ZFHX3: variants seen among roughly 807,000 people sequenced by gnomAD.
ZFHX3 encodes zinc finger homeobox 3.
In ZFHX3, 42 loss-of-function variants were observed where a neutral mutation model predicts 279.1. The ratio of observed to expected loss-of-function variants is 0.15; its 90% confidence interval spans 0.12 to 0.19. The LOEUF (loss-of-function observed/expected upper bound fraction) is 0.19. Ranked by LOEUF, ZFHX3 falls within the 10% of genes least tolerant of loss-of-function variation. The pLI is 1.00. For missense variants in ZFHX3, 4,981 were observed against 4,754.0 expected (o/e 1.05, Z -1.40); for synonymous variants, 2,293 against 1,957.8 (o/e 1.17, Z -4.52).
intron 1 of ZFHX3, among the ~76,000 whole-genome samples, chr16:73,859,206 C>T (rs969640951): frequency 2.6e-5 from 4 of 152,212 alleles, no homozygotes; most frequent in African/African-American, 9.6e-5. Context: ...GTTTCTGAAA[C>T]ATCCCCCAGT....
chr16:72,822,859 T>C (rs2036834543), intron 5 of ZFHX3, among the ~76,000 whole-genome samples: 1 of 151,682 alleles, frequency 6.6e-6, no homozygotes, highest in Non-Finnish European at 1.5e-5. Context: ...AAGAAAATAT[T>C]TGTTCAACTG....
chr16:73,501,238 T>A (rs927009403), intron 2 of ZFHX3, among the ~76,000 whole-genome samples: 2 of 152,220 alleles, frequency 1.3e-5, no homozygotes, highest in African/African-American at 4.8e-5. Context: ...CATCTAGATT[T>A]GTGTAAATAC....
intron 7 of ZFHX3, among the ~76,000 whole-genome samples, chr16:73,095,782 C>T (rs111597689): frequency 5.9e-5 from 9 of 152,210 alleles, no homozygotes; most frequent in South Asian, 2.1e-4. Flanking sequence ...GGATTGATAC[C>T]GGGCAACTTA....
At chr16:73,135,335 G>T (rs953612397) in intron 6 of ZFHX3, among the ~76,000 whole-genome samples, 1 of 152,158 alleles carries the variant, frequency 6.6e-6, no homozygotes, top group Non-Finnish European at 1.5e-5. Flanking sequence ...GAATCAGAAA[G>T]AACAGATGGA....
At chr16:73,072,867 C>A (rs561169361) in intron 8 of ZFHX3, among the ~76,000 whole-genome samples, 1 of 151,790 alleles carries the variant, frequency 6.6e-6, no homozygotes, top group Non-Finnish European at 1.5e-5. Flanking sequence ...CTGTGCCCAG[C>A]GCATTCCTAT....
At position 72,784,860 on chromosome 16, in the gene ZFHX3, C is replaced by G. The variant is rs1465299341; in HGVS notation, c.*2304G>C. On this transcript the variant is annotated 3_prime_UTR_variant, in exon 10 of 10. Coordinates refer to ENST00000268489, the MANE Select transcript of ZFHX3 (RefSeq NM_006885.4). Reference sequence around the variant, plus strand: ...AGAAATATGTACAACATTTCAGGATCTACTATTTCATTAAACTAAAAACAA... The same window carrying G: ...AGAAATATGTACAACATTTCAGGATGTACTATTTCATTAAACTAAAAACAA... The G allele has an allele frequency of 6.6e-6, 1 of 152,300 alleles. No individual in the cohort carries two copies. Among genetic ancestry groups the G allele is most frequent in the African/African-American group, 2.4e-5 (1 of 41,332 alleles). The allele number at this position is 152,300 out of a possible 1,614,324, so 9.4% of individuals were successfully genotyped here.
intron 3 of ZFHX3, among the ~76,000 whole-genome samples, chr16:73,335,925 A>T (rs184098862): frequency 6.5e-4 from 99 of 152,306 alleles, no homozygotes; most frequent in Non-Finnish European, 1.3e-3. Flanking sequence ...CGTGTCTTGA[A>T]ATGTCTAGGC....
intron 1 of ZFHX3, among the ~76,000 whole-genome samples, chr16:73,882,524 T>C (rs773680897): frequency 3.3e-5 from 5 of 152,132 alleles, no homozygotes; most frequent in Non-Finnish European, 5.9e-5. Context: ...TCTGAATTTA[T>C]TGTGAGATTT....
intron 5 of ZFHX3, among the ~76,000 whole-genome samples, chr16:73,218,489 T>C (rs1164380225): frequency 6.6e-6 from 1 of 152,126 alleles, no homozygotes; most frequent in Non-Finnish European, 1.5e-5. Context: ...TAAATACAGG[T>C]CAAGTGTGGT....
At chr16:73,631,655 A>G (rs1280367934) in intron 2 of ZFHX3, among the ~76,000 whole-genome samples, 1 of 152,124 alleles carries the variant, frequency 6.6e-6, no homozygotes, top group East Asian at 1.9e-4. Flanking sequence ...CTATAATTCC[A>G]GCAATTTGGG....
At chr16:73,644,846 G>A (rs999857969) in intron 2 of ZFHX3, among the ~76,000 whole-genome samples, 2 of 152,104 alleles carry the variant, frequency 1.3e-5, no homozygotes, top group African/African-American at 4.8e-5. Flanking sequence ...GTCATTGGAA[G>A]AAGTGAGCCC....
chr16:73,432,215 T>A (rs2017922486), intron 3 of ZFHX3, among the ~76,000 whole-genome samples: 1 of 152,158 alleles, frequency 6.6e-6, no homozygotes, highest in African/African-American at 2.4e-5. Context: ...AAATGCATGG[T>A]TTCTAGGCCA....
At chr16:73,721,123 T>G (rs2053469512) in intron 1 of ZFHX3, among the ~76,000 whole-genome samples, 1 of 151,734 alleles carries the variant, frequency 6.6e-6, no homozygotes, top group Admixed American at 6.6e-5. Context: ...ATTTTCTTTT[T>G]CTTTCTTTTT....
At chr16:73,236,905 C>T (rs2012967468) in intron 5 of ZFHX3, among the ~76,000 whole-genome samples, 3 of 152,208 alleles carry the variant, frequency 2.0e-5, no homozygotes, top group Admixed American at 2.0e-4. Flanking sequence ...ATAACTTCAA[C>T]AGCAAAGGGC....
chr16:73,242,370 T>G (rs2013149233), intron 5 of ZFHX3, among the ~76,000 whole-genome samples: 1 of 152,156 alleles, frequency 6.6e-6, no homozygotes, highest in Non-Finnish European at 1.5e-5. Context: ...ACCCACCCCA[T>G]TAGCCTGGTA....
At chr16:73,804,065 G>C (rs1173325716) in intron 1 of ZFHX3, among the ~76,000 whole-genome samples, 1 of 152,134 alleles carries the variant, frequency 6.6e-6, no homozygotes, top group Non-Finnish European at 1.5e-5. Flanking sequence ...GATGAGGTGG[G>C]AAGATCACTT....
chr16:73,750,521 C>A (rs1245138585), intron 1 of ZFHX3, among the ~76,000 whole-genome samples: 2 of 152,098 alleles, frequency 1.3e-5, no homozygotes, highest in Non-Finnish European at 2.9e-5. Context: ...CACAATGAGG[C>A]ACTGGTTGAA....
At chr16:73,271,690 A>G (rs116230467) in intron 4 of ZFHX3, among the ~76,000 whole-genome samples, 2 of 152,260 alleles carry the variant, frequency 1.3e-5, no homozygotes, top group East Asian at 3.8e-4. Context: ...GCTGCAGGCC[A>G]GGAGCATGGC....
At chr16:73,194,358 C>T (rs1968101271) in intron 5 of ZFHX3, among the ~76,000 whole-genome samples, 1 of 152,042 alleles carries the variant, frequency 6.6e-6, no homozygotes, top group African/African-American at 2.4e-5. Context: ...CACCACCACC[C>T]CCAGCTAATT....
Sources: allele counts gnomAD v4.1 joint callset (sites outside exome capture counted in the v4.1 genomes callset), GRCh38; gene constraint gnomAD v4.1.1; transcripts MANE v1.5; gene names NCBI Gene and HGNC (gene_info 2026-07-23, HGNC 2026-07-21).